DNAH7: variants seen among roughly 807,000 people sequenced by gnomAD.
DNAH7 encodes axonemal beta dynein heavy chain 7.
DNAH7 carries 397 observed loss-of-function variants against 444.6 expected under a neutral mutation model. The observed-to-expected ratio is 0.89, with a 90% CI of 0.82 to 0.97. DNAH7 has a LOEUF of 0.97. Ranked by LOEUF, DNAH7 falls within the 50% of genes least tolerant of loss-of-function variation. The pLI is 0.00. For synonymous variants in DNAH7, 1,636 were observed against 1,624.4 expected, an observed-to-expected ratio of 1.01 and a Z score of -0.17; for missense variants, 4,902 against 4,800.8, an observed-to-expected ratio of 1.02 and a Z score of -0.62.
intron 61 of DNAH7, among the ~76,000 whole-genome samples, chr2:195,757,199 C>T (rs571997437): frequency 6.6e-6 from 1 of 152,264 alleles, no homozygotes; most frequent in Non-Finnish European, 1.5e-5. Context: ...AAATCACAGA[C>T]TAACTTTGAC....
intron 1 of DNAH7, among the ~76,000 whole-genome samples, chr2:196,061,582 T>G (rs1698136812): frequency 6.6e-6 from 1 of 152,176 alleles, no homozygotes; most frequent in African/African-American, 2.4e-5. Flanking sequence ...ATCACACATT[T>G]AATTCAGTAG....
rs202105365 is a variant in DNAH7 at position 195,897,623 on chromosome 2, T to G, written c.4647+44A>C. 1.2e-4 allele frequency: 140 copies of G among 1,128,256 alleles called. 1 individual carries two copies. In the African/African-American group the frequency reaches 2.0e-3, roughly 16 times the overall value. The allele number at this position is 1,128,256 out of a possible 1,614,324, so 69.9% of individuals were successfully genotyped here. A position where few individuals can be genotyped will look rare whatever the true frequency, so the allele number is the denominator to read the frequency against. ...CAACCTTAGACATGTGATAAATACATTATTATAAGAGTTTTGATGCATTGG... is the reference window on the plus strand; with the variant it reads ...CAACCTTAGACATGTGATAAATACAGTATTATAAGAGTTTTGATGCATTGG... On this transcript the variant is annotated intron_variant, in intron 29 of 64. Transcript: ENST00000312428.
At chr2:195,742,321 G>A (rs1693093208) in intron 63 of DNAH7, among the ~76,000 whole-genome samples, 1 of 152,142 alleles carries the variant, frequency 6.6e-6, no homozygotes, top group Non-Finnish European at 1.5e-5. Flanking sequence ...CCTACACACA[G>A]GTCCAAGTGA....
chr2:195,825,477 C>T (rs754136880), intron 48 of DNAH7, among the ~76,000 whole-genome samples: 16 of 152,106 alleles, frequency 1.1e-4, no homozygotes, highest in Non-Finnish European at 1.9e-4. Flanking sequence ...TTAATCACTG[C>T]ATAATAGTGT....
At chr2:196,027,324 A>G (rs892075713) in intron 6 of DNAH7, among the ~76,000 whole-genome samples, 3 of 151,976 alleles carry the variant, frequency 2.0e-5, no homozygotes, top group Admixed American at 1.3e-4. Flanking sequence ...ATCTCTATAT[A>G]TTAATTCCAG....
intron 45 of DNAH7, among the ~76,000 whole-genome samples, chr2:195,854,414 T>G (rs1201152846): frequency 1.3e-5 from 2 of 152,184 alleles, no homozygotes; most frequent in African/African-American, 2.4e-5. Context: ...GTATATCAAG[T>G]CAATGATTTT....
intron 42 of DNAH7, 129 bp downstream of exon 42, chr2:195,861,583 ATAATT>A (rs1043917083): frequency 1.2e-5 from 8 of 694,362 alleles, no homozygotes; most frequent in East Asian, 5.5e-5. Context: ...TGTGGATTAA[ATAATT>A]TAAAGATGTA....
chr2:195,738,089 T>C lies in DNAH7; in HGVS notation c.11907A>G (p.Lys3969=). The C allele has an allele frequency of 6.2e-7, 1 of 1,613,932 alleles. No homozygotes were observed. The highest frequency in any genetic ancestry group is 8.5e-7 in the Non-Finnish European group (1 of 1,179,846). ...ACAATGGAGCAACATAACTTGGCCG[T>C]TTTGGTATATCTGCCCTCTTACAGG... is the stretch of plus-strand genomic sequence containing the variant. ...LKPCKRADIP[K]RPSYVAPLYK... The change falls in exon 65 of 65, where the codon AAA becomes AAG. Residue 3969 remains lysine (K), a synonymous_variant. Transcript: ENST00000312428.
chr2:195,841,292 G>C (rs1227539086), intron 47 of DNAH7, among the ~76,000 whole-genome samples: 1 of 149,948 alleles, frequency 6.7e-6, no homozygotes, highest in East Asian at 1.9e-4. Flanking sequence ...CCCATATATG[G>C]ATGTGTGCAA....
At chr2:195,963,825 A>G (rs758029463) in intron 17 of DNAH7, among the ~76,000 whole-genome samples, 3 of 152,202 alleles carry the variant, frequency 2.0e-5, no homozygotes, top group Non-Finnish European at 4.4e-5. Flanking sequence ...TCTTCTGTAT[A>G]TGAATATCCA....
intron 38 of DNAH7, 101 bp from the exon 39 acceptor site, chr2:195,873,795 T>C: frequency 1.2e-6 from 1 of 840,250 alleles, no homozygotes; most frequent in Non-Finnish European, 1.7e-6. Flanking sequence ...GATGGACAAA[T>C]TCACGGCACA....
At chr2:195,838,725 A>T (rs911838537) in intron 47 of DNAH7, among the ~76,000 whole-genome samples, 1 of 151,988 alleles carries the variant, frequency 6.6e-6, no homozygotes, top group Non-Finnish European at 1.5e-5. Context: ...TAGTTATATT[A>T]AAAGTAAAAT....
chr2:195,934,111 T>TG (rs1345160284), intron 21 of DNAH7, among the ~76,000 whole-genome samples: 1 of 151,838 alleles, frequency 6.6e-6, no homozygotes, highest in Non-Finnish European at 1.5e-5. Flanking sequence ...GCTCACAGTA[T>TG]GTTTCATGAA....
rs1451760465 is a variant in DNAH7, at chr2:195,777,738, T to C, written c.11064+62A>G. The C allele has an allele frequency of 2.3e-5, 34 of 1,501,222 alleles. No homozygotes were observed. The Admixed American group carries it at 6.2e-4, about 27-fold the overall frequency. The allele number at this position is 1,501,222 out of a possible 1,614,324, so 93.0% of individuals were successfully genotyped here. On this transcript the variant is annotated intron_variant, in intron 59 of 64. Coordinates refer to ENST00000312428, the MANE Select transcript of DNAH7 (RefSeq NM_018897.3). The stretch of plus-strand genomic sequence containing the variant: ...CAGCAAAATCACCATTTAAAAAATA[T>C]CATCACTACCAAAATAATTTCATGT...
intron 24 of DNAH7, among the ~76,000 whole-genome samples, chr2:195,921,352 TACACACACACACACAC>T (rs140152411): frequency 1.1e-4 from 15 of 140,378 alleles, no homozygotes; most frequent in East Asian, 2.2e-4. Context: ...AAATGTGGTG[TACACACACACACACAC>T]ACACACACAC....
intron 8 of DNAH7, among the ~76,000 whole-genome samples, chr2:196,020,357 A>T (rs1559341701): frequency 6.6e-6 from 1 of 152,128 alleles, no homozygotes; most frequent in African/African-American, 2.4e-5. Flanking sequence ...TGTAACTCTT[A>T]TGACTTTAAT....
At chr2:195,918,107 C>A (rs752908503) in intron 24 of DNAH7, among the ~76,000 whole-genome samples, 17 of 152,058 alleles carry the variant, frequency 1.1e-4, no homozygotes, top group Non-Finnish European at 2.2e-4. Flanking sequence ...ATAAACAACC[C>A]AATTACAAAA....
Position 195,799,406 on chromosome 2 carries a change from AG to A in DNAH7, c.10242del (p.Phe3415LeufsTer3). On this transcript the variant is annotated frameshift_variant, in exon 55 of 65. Coordinates refer to ENST00000312428, the MANE Select transcript of DNAH7 (RefSeq NM_018897.3). LOFTEE classifies it high-confidence loss of function. ...TCTCCAAATGCCTTGGCTAAATCAAAGGGGGGTGGTTCAATGAATGCACGTC... is the reference window on the plus strand; with the variant it reads ...TCTCCAAATGCCTTGGCTAAATCAAAGGGGGTGGTTCAATGAATGCACGTC... ...RLGRAFIEPPPFDLAKAFGDS... is the reference protein window; with the variant it reads ...RLGRAFIEPPXFDLAKAFGDS... 1 of 1,611,148 alleles carries A rather than the reference AG, an allele frequency of 6.2e-7. No individual in the cohort carries two copies.
chr2:196,001,201 C>A (rs1045691972), intron 11 of DNAH7, among the ~76,000 whole-genome samples: 4 of 152,182 alleles, frequency 2.6e-5, no homozygotes, highest in Non-Finnish European at 5.9e-5. Flanking sequence ...CCTGCTCACA[C>A]TGCAACAGGA....
Sources: allele counts gnomAD v4.1 joint callset (sites outside exome capture counted in the v4.1 genomes callset), GRCh38; gene constraint gnomAD v4.1.1; transcripts MANE v1.5; gene names NCBI Gene and HGNC (gene_info 2026-07-23, HGNC 2026-07-21).